ATP6V1H: variants seen among roughly 807,000 people sequenced by gnomAD.
The protein encoded by ATP6V1H is V-type proton ATPase subunit H.
A neutral mutation model predicts 71.7 loss-of-function variants in ATP6V1H; 39 were observed. That is an observed-to-expected ratio of 0.54 (90% CI 0.42 to 0.71). The LOEUF (loss-of-function observed/expected upper bound fraction) is 0.71. ATP6V1H is among the 30% of genes least tolerant of loss of function. The pLI is 0.00. For synonymous variants in ATP6V1H, 192 were observed against 199.3 expected (o/e 0.96, Z 0.31); for missense variants, 509 against 594.9 (o/e 0.86, Z 1.50).
chr8:53,794,608 C>T (rs552942204), intron 9 of ATP6V1H, among the ~76,000 whole-genome samples: 19 of 152,206 alleles, frequency 1.2e-4, no homozygotes, highest in East Asian at 1.9e-4. Flanking sequence ...TCAGGTGATC[C>T]GCCCACCTCG....
At chr8:53,834,657 C>G (rs757050007) in intron 2 of ATP6V1H, among the ~76,000 whole-genome samples, 7 of 152,168 alleles carry the variant, frequency 4.6e-5, no homozygotes, top group Admixed American at 6.5e-5. Flanking sequence ...AACTCCTGAT[C>G]TCGTGATCCA....
intron 11 of ATP6V1H, among the ~76,000 whole-genome samples, chr8:53,768,495 T>C (rs72655182): frequency 4.6e-5 from 7 of 152,300 alleles, no homozygotes; most frequent in Non-Finnish European, 1.0e-4. Flanking sequence ...ACAAGTATTA[T>C]TGGCAATATT....
intron 7 of ATP6V1H, among the ~76,000 whole-genome samples, chr8:53,807,583 T>C (rs551312124): frequency 6.6e-6 from 1 of 152,318 alleles, no homozygotes; most frequent in African/African-American, 2.4e-5. Flanking sequence ...TTATATGTAA[T>C]GTCCAAAAGA....
intron 8 of ATP6V1H, among the ~76,000 whole-genome samples, chr8:53,797,409 A>C (rs369407362): frequency 1.4e-3 from 207 of 152,288 alleles, no homozygotes; most frequent in African/African-American, 4.5e-3. Context: ...AAGCCTCATC[A>C]CATTTCCTCA....
At chr8:53,727,873 A>G (rs16919508) in intron 13 of ATP6V1H, among the ~76,000 whole-genome samples, 14,005 of 152,252 alleles carry the variant, frequency 0.092, 1,076 homozygotes, top group East Asian at 0.41. Flanking sequence ...GAACACATCC[A>G]GCTGCAGTTC....
intron 10 of ATP6V1H, among the ~76,000 whole-genome samples, chr8:53,770,806 G>A (rs1808626976): frequency 6.6e-6 from 1 of 152,310 alleles, no homozygotes; most frequent in South Asian, 2.1e-4. Context: ...GGCCTTAAAT[G>A]ATTATTACGG....
At chr8:53,754,837 A>G (rs547032908) in intron 12 of ATP6V1H, among the ~76,000 whole-genome samples, 8 of 152,332 alleles carry the variant, frequency 5.3e-5, no homozygotes, top group Middle Eastern at 3.4e-3. Context: ...GTCTGAGTTC[A>G]GTTCAAATAA....
At position 53,765,581 on chromosome 8, in the gene ATP6V1H, T is replaced by C. The variant is rs148101588; in HGVS notation, c.1175+4037A>G. 2.2e-3 allele frequency among the ~76,000 whole-genome samples: 325 copies of C among 151,016 alleles called. 2 individuals are homozygous for C. The highest frequency in any genetic ancestry group is 7.6e-3 in the African/African-American group (314 of 41,154). ...TTAGGTATAAATGTAACAAAATATG[T>C]GCAAGATCTATAAGAGGAAAACAAA... On this transcript the variant is annotated intron_variant, in intron 11 of 13. Transcript: ENST00000359530.
At chr8:53,801,980 G>T in intron 7 of ATP6V1H, 84 bp from the exon 8 acceptor site, 1 of 1,212,602 alleles carries the variant, frequency 8.2e-7, no homozygotes, top group Non-Finnish European at 1.2e-6. Flanking sequence ...TGAAAAGTCA[G>T]ATTACCTACT....
chr8:53,787,660 A>G (rs1446446880), intron 9 of ATP6V1H, among the ~76,000 whole-genome samples: 4 of 152,220 alleles, frequency 2.6e-5, no homozygotes, highest in African/African-American at 4.8e-5. Context: ...AATGCACAAC[A>G]AACAGATGTA....
Position 53,766,160 on chromosome 8 carries a change from G to A in ATP6V1H, c.1175+3458C>T, listed in dbSNP as rs568786456. Among the ~76,000 whole-genome samples, 61 of 152,342 alleles carry A rather than the reference G, an allele frequency of 4.0e-4. No individual in the cohort carries two copies. The South Asian group carries it at 6.8e-3, about 17-fold the overall frequency. ...GTCAGGGACCCCAAACGGAGGGACC[G>A]GCTGAAGCCATGGCAGAAGAACGTG... is the stretch of plus-strand genomic sequence containing the variant. On this transcript the variant is annotated intron_variant, in intron 11 of 13. Coordinates refer to ENST00000359530, the MANE Select transcript of ATP6V1H (RefSeq NM_015941.4).
chr8:53,834,635 G>A (rs931098855), intron 2 of ATP6V1H, among the ~76,000 whole-genome samples: 11 of 151,758 alleles, frequency 7.2e-5, no homozygotes, highest in African/African-American at 1.5e-4. Flanking sequence ...CATATTGGCC[G>A]GGCTGCTCTC....
At chr8:53,779,885 T>A (rs1272695864) in intron 9 of ATP6V1H, among the ~76,000 whole-genome samples, 1 of 152,140 alleles carries the variant, frequency 6.6e-6, no homozygotes, top group Non-Finnish European at 1.5e-5. Context: ...TCGGCTGGAC[T>A]TGATGGCTCA....
At chr8:53,757,229 A>C (rs1235326743) in intron 11 of ATP6V1H, among the ~76,000 whole-genome samples, 1 of 152,098 alleles carries the variant, frequency 6.6e-6, no homozygotes, top group Non-Finnish European at 1.5e-5. Context: ...CAACCACATA[A>C]ATTGTCACTG....
chr8:53,816,719 C>G (rs964528513), intron 5 of ATP6V1H, among the ~76,000 whole-genome samples: 6 of 151,990 alleles, frequency 3.9e-5, no homozygotes, highest in African/African-American at 7.3e-5. Context: ...TCGCTTGAAC[C>G]CGGGAGGCGG....
At chr8:53,767,062 G>T (rs1262274172) in intron 11 of ATP6V1H, among the ~76,000 whole-genome samples, 1 of 152,098 alleles carries the variant, frequency 6.6e-6, no homozygotes, top group Admixed American at 6.5e-5. Flanking sequence ...CTACCAACGT[G>T]TGATGTCTTC....
chr8:53,826,607 T>C (rs1005846151), intron 4 of ATP6V1H, among the ~76,000 whole-genome samples: 9 of 151,830 alleles, frequency 5.9e-5, no homozygotes, highest in Non-Finnish European at 2.9e-5. Flanking sequence ...TAAAAAAATA[T>C]ACATGTGTCT....
At chr8:53,761,332 G>A (rs1170166724) in intron 11 of ATP6V1H, among the ~76,000 whole-genome samples, 5 of 147,190 alleles carry the variant, frequency 3.4e-5, no homozygotes, top group East Asian at 2.0e-4. Flanking sequence ...GCGAGACTCC[G>A]TCTCAAAAAA....
At chr8:53,733,461 C>T (rs1162142446) in intron 13 of ATP6V1H, among the ~76,000 whole-genome samples, 6 of 152,182 alleles carry the variant, frequency 3.9e-5, no homozygotes, top group African/African-American at 1.4e-4. Flanking sequence ...GCTGGGACAC[C>T]CCACAGCAAC....
Sources: allele counts gnomAD v4.1 joint callset (sites outside exome capture counted in the v4.1 genomes callset), GRCh38; gene constraint gnomAD v4.1.1; transcripts MANE v1.5; gene names NCBI Gene and HGNC (gene_info 2026-07-23, HGNC 2026-07-21).